Variants in LRRN1 observed in about 807,000 individuals in gnomAD.
LRRN1 encodes leucine-rich repeat neuronal protein 1.
A neutral mutation model predicts 45.8 loss-of-function variants in LRRN1; 14 were observed. The observed-to-expected ratio is 0.31, with a 90% CI of 0.20 to 0.48. The LOEUF is 0.48. Ranked by LOEUF, LRRN1 falls within the 20% of genes least tolerant of loss-of-function variation. The pLI, the probability that LRRN1 is intolerant of heterozygous loss-of-function variation, is 0.99. For synonymous variants in LRRN1, 359 were observed against 330.1 expected (o/e 1.09, Z -0.95); for missense variants, 789 against 874.2 (o/e 0.90, Z 1.23).
intron 1 of LRRN1, among the ~76,000 whole-genome samples, chr3:3,831,038 T>C (rs1032351019): frequency 2.0e-5 from 3 of 152,202 alleles, no homozygotes; most frequent in Non-Finnish European, 4.4e-5. Context: ...TCAAGCACCA[T>C]TGGGTCTCCT....
intron 1 of LRRN1, among the ~76,000 whole-genome samples, chr3:3,823,404 AAAAG>A (rs940160371): frequency 1.3e-5 from 2 of 152,160 alleles, no homozygotes; most frequent in Non-Finnish European, 2.9e-5. Flanking sequence ...TTTAAAAAAA[AAAAG>A]AAGAAGAAGA....
Position 3,845,621 on chromosome 3 carries a change from A to G in LRRN1, c.980A>G (p.Tyr327Cys). The stretch of plus-strand genomic sequence containing the variant: ...GCCACCAATAACCCTAAACTCTCTT[A>G]CATCCACCGCTTGGCTTTCCGAAGT... Reference protein sequence around the residue: ...LEATNNPKLSYIHRLAFRSVP... With the variant: ...LEATNNPKLSCIHRLAFRSVP... The change falls in exon 2 of 2, where the codon TAC (tyrosine) becomes TGC (cysteine). Residue 327 changes from tyrosine to cysteine, a missense_variant. Physicochemically the swap from Tyr to Cys is radical, Grantham distance 194 (BLOSUM62 -2). Coordinates refer to ENST00000319331, the MANE Select transcript of LRRN1 (RefSeq NM_020873.7). This position sits in a 1 kb window ranked among gnomAD's most constrained non-coding sequence, Gnocchi z 6.5. 2 of 1,614,052 alleles carry G rather than the reference A, an allele frequency of 1.2e-6. No individual in the cohort carries two copies. The highest frequency in any genetic ancestry group is 1.1e-5 in the South Asian group (1 of 91,078).
At chr3:3,799,967 G>C (rs1431464546) in intron 1 of LRRN1, 48 bp downstream of exon 1, 1 of 154,158 alleles carries the variant, frequency 6.5e-6, no homozygotes, top group African/African-American at 2.4e-5. Context: ...GGGAGGCAGC[G>C]AGGGGAAGTC....
At chr3:3,813,398 T>G (rs1416081897) in intron 1 of LRRN1, among the ~76,000 whole-genome samples, 1 of 152,212 alleles carries the variant, frequency 6.6e-6, no homozygotes, top group Non-Finnish European at 1.5e-5. Context: ...ATCTTTGTAT[T>G]GACTTATAAG....
chr3:3,817,753 C>G (rs1481532317), intron 1 of LRRN1, among the ~76,000 whole-genome samples: 1 of 151,768 alleles, frequency 6.6e-6, no homozygotes, highest in Non-Finnish European at 1.5e-5. Flanking sequence ...CAGATTACTA[C>G]TGGTTTAAAA....
chr3:3,820,005 G>A (rs1449924957), intron 1 of LRRN1, among the ~76,000 whole-genome samples: 6 of 152,102 alleles, frequency 3.9e-5, no homozygotes, highest in Non-Finnish European at 5.9e-5. Flanking sequence ...GCTCATTCTC[G>A]TATTCTAAAG....
chr3:3,829,142 C>T (rs1693306536), intron 1 of LRRN1, among the ~76,000 whole-genome samples: 1 of 152,076 alleles, frequency 6.6e-6, no homozygotes, highest in Admixed American at 6.6e-5. Flanking sequence ...TAATGGATCT[C>T]CTGTATTCCA....
In LRRN1 at chr3:3,845,802, C is replaced by T. The variant is rs1693761447; in HGVS notation, c.1161C>T (p.Thr387=). The T allele has an allele frequency of 1.2e-6, 2 of 1,614,094 alleles. No individual in the cohort carries two copies. The highest frequency in any genetic ancestry group is 1.7e-5 in the Admixed American group (1 of 60,004). ...TCCACTGGATTAACTCCAACAAAAC[C>T]AACATCCGCTTCATGGAGCCCCTGT... ...CVIHWINSNK[T]NIRFMEPLSM... The change falls in exon 2 of 2, where the codon ACC becomes ACT. Residue 387 remains threonine (T), a synonymous_variant. Transcript: ENST00000319331. This position sits in a 1 kb window ranked among gnomAD's most constrained non-coding sequence, Gnocchi z 6.5.
chr3:3,801,453 A>T (rs1446733948), intron 1 of LRRN1, among the ~76,000 whole-genome samples: 2 of 152,192 alleles, frequency 1.3e-5, no homozygotes, highest in African/African-American at 4.8e-5. Context: ...GGAGGAGTGG[A>T]AAGTTCAGGA....
chr3:3,830,586 G>A (rs1392431897), intron 1 of LRRN1, among the ~76,000 whole-genome samples: 1 of 152,188 alleles, frequency 6.6e-6, no homozygotes, highest in Non-Finnish European at 1.5e-5. Context: ...TCTGTCAACT[G>A]ATCATAGGGA....
intron 1 of LRRN1, among the ~76,000 whole-genome samples, chr3:3,814,427 C>T (rs536949503): frequency 3.3e-5 from 5 of 151,916 alleles, no homozygotes; most frequent in African/African-American, 1.2e-4. Flanking sequence ...CATCTGGCTT[C>T]TTGTTGGGTT....
rs758236266 is a variant in LRRN1 at position 3,844,800 on chromosome 3, C to T, written c.159C>T (p.Ala53=). 6.2e-7 allele frequency: 1 copy of T among 1,614,164 alleles called. No homozygotes were observed. The highest frequency in any genetic ancestry group is 2.2e-5 in the East Asian group (1 of 44,878). Residue 53 remains alanine (A), a synonymous_variant, in exon 2 of 2, where the codon GCC becomes GCT. Transcript: ENST00000319331. Reference sequence around the variant, plus strand: ...CCCCACAGTCAACTTACAGAGAAGCCACCACTGTTGATTGCAATGACCTCC... The same window carrying T: ...CCCCACAGTCAACTTACAGAGAAGCTACCACTGTTGATTGCAATGACCTCC... ...WFTPQSTYRE[A]TTVDCNDLRL...
rs578037639 is a variant in LRRN1, at chr3:3,834,206, T to C, written c.-278-10158T>C. 1.3e-4 allele frequency among the ~76,000 whole-genome samples: 20 copies of C among 152,160 alleles called. No homozygotes were observed. In the South Asian group the frequency reaches 3.7e-3, roughly 28 times the overall value. Reference sequence around the variant, plus strand: ...TAGGAGCAACCAACCAGCTTCATTGTGTTCCTCGGTTCTCCACATATGGTC... The same window carrying C: ...TAGGAGCAACCAACCAGCTTCATTGCGTTCCTCGGTTCTCCACATATGGTC... On this transcript the variant is annotated intron_variant, in intron 1 of 1. Coordinates refer to ENST00000319331, the MANE Select transcript of LRRN1 (RefSeq NM_020873.7).
At chr3:3,836,105 A>G (rs1693505815) in intron 1 of LRRN1, among the ~76,000 whole-genome samples, 1 of 151,822 alleles carries the variant, frequency 6.6e-6, no homozygotes, top group African/African-American at 2.4e-5. Context: ...AAAAAAATCT[A>G]TTCCAGCCAT....
At chr3:3,821,862 C>T (rs189126453) in intron 1 of LRRN1, among the ~76,000 whole-genome samples, 1 of 152,208 alleles carries the variant, frequency 6.6e-6, no homozygotes, top group Non-Finnish European at 1.5e-5. Flanking sequence ...TTTGATTTAT[C>T]TATTGAGTGC....
In LRRN1 at chr3:3,849,565, T is replaced by C. The variant is rs922424768; in HGVS notation, c.*2773T>C. Among the ~76,000 whole-genome samples, 1 of 152,240 alleles carries C rather than the reference T, an allele frequency of 6.6e-6. No individual in the cohort carries two copies. Among genetic ancestry groups the C allele is most frequent in the Non-Finnish European group, 1.5e-5 (1 of 68,048 alleles). On this transcript the variant is annotated 3_prime_UTR_variant, in exon 2 of 2. Coordinates refer to ENST00000319331, the MANE Select transcript of LRRN1 (RefSeq NM_020873.7). ...ACCTTTAACAGTGAAGTGGTTATTA[T>C]AGGTCACTTTCTAATTTCATATTTT...
At chr3:3,811,643 A>G (rs1178864138) in intron 1 of LRRN1, among the ~76,000 whole-genome samples, 1 of 152,234 alleles carries the variant, frequency 6.6e-6, no homozygotes, top group African/African-American at 2.4e-5. Flanking sequence ...CTTATTATAG[A>G]AAGTTGAACT....
Position 3,846,643 on chromosome 3 carries a change from T to A in LRRN1, c.2002T>A (p.Tyr668Asn), listed in dbSNP as rs754669304. The change falls in exon 2 of 2, where the codon TAT (tyrosine) becomes AAT (asparagine). Residue 668 changes from tyrosine (Y) to asparagine (N), a missense_variant. Physicochemically the swap from Tyr to Asn is moderately radical, Grantham distance 143. Coordinates refer to ENST00000319331, the MANE Select transcript of LRRN1 (RefSeq NM_020873.7). This position sits in a 1 kb window ranked among gnomAD's most constrained non-coding sequence, Gnocchi z 5.7. ...AAACTACCACCACTCATTAAAAAAG[T>A]ATATGCAAAAAACCTCTTCAATCCC... is the stretch of plus-strand genomic sequence containing the variant. ...RKNYHHSLKK[Y>N]MQKTSSIPLN... 4 of 1,613,974 alleles carry A rather than the reference T, an allele frequency of 2.5e-6. No homozygotes were observed. The highest frequency in any genetic ancestry group is 3.4e-6 in the Non-Finnish European group (4 of 1,179,994).
chr3:3,804,977 C>G (rs187607076), intron 1 of LRRN1, among the ~76,000 whole-genome samples: 1 of 152,294 alleles, frequency 6.6e-6, no homozygotes, highest in East Asian at 1.9e-4. Flanking sequence ...ATCTTGGAAA[C>G]AAAGATTTTC....
Sources: allele counts gnomAD v4.1 joint callset (sites outside exome capture counted in the v4.1 genomes callset), GRCh38; gene constraint gnomAD v4.1.1; non-coding constraint Gnocchi (gnomAD v3.1); transcripts MANE v1.5; gene names NCBI Gene and HGNC (gene_info 2026-07-23, HGNC 2026-07-21).